Variants in ZMYM5 observed in about 807,000 individuals in gnomAD.
ZMYM5 encodes zinc finger MYM-type containing 5.
Under a neutral mutation model 61.8 loss-of-function variants are expected in ZMYM5, and 41 were observed. The observed-to-expected ratio is 0.66, with a 90% CI of 0.52 to 0.86. The LOEUF is 0.86. ZMYM5 is among the 40% of genes least tolerant of loss of function. The pLI, the probability that ZMYM5 is intolerant of heterozygous loss-of-function variation, is 0.00. For synonymous variants in ZMYM5, 257 were observed against 276.4 expected (o/e 0.93, Z 0.70); for missense variants, 706 against 786.7 (o/e 0.90, Z 1.23).
chr13:19,832,806 C>G (rs1952567649), intron 7 of ZMYM5, among the ~76,000 whole-genome samples: 2 of 151,762 alleles, frequency 1.3e-5, no homozygotes, highest in Admixed American at 1.3e-4. Context: ...ATTCTGTTGC[C>G]CAGGGTGGAG....
Position 19,851,340 on chromosome 13 carries a change from T to C in ZMYM5, c.586+15A>G, listed in dbSNP as rs1362620965. On this transcript the variant is annotated intron_variant, in intron 4 of 7. Coordinates refer to ENST00000337963, the MANE Select transcript of ZMYM5 (RefSeq NM_001142684.2). ...TTATTTACTTGAGGTAGAAACAGTA[T>C]CACTTACTGCTTACCAGGACTATGA... is the stretch of plus-strand genomic sequence containing the variant. 21 of 1,599,034 alleles carry C rather than the reference T, an allele frequency of 1.3e-5. No individual in the cohort carries two copies. The highest frequency in any genetic ancestry group is 1.7e-5 in the Non-Finnish European group (20 of 1,166,416).
intron 5 of ZMYM5, among the ~76,000 whole-genome samples, chr13:19,838,293 G>C (rs1385861699): frequency 2.0e-5 from 3 of 152,252 alleles, no homozygotes; most frequent in Middle Eastern, 3.4e-3. Flanking sequence ...CAGGAGAATC[G>C]CTTGAACCTG....
intron 4 of ZMYM5, among the ~76,000 whole-genome samples, chr13:19,850,749 T>A (rs1237620160): frequency 3.3e-5 from 5 of 152,138 alleles, no homozygotes. Context: ...TTCATTACAC[T>A]GTATCTTTAT....
At position 19,851,985 on chromosome 13, in the gene ZMYM5, T is replaced by C. The variant is rs542603357; in HGVS notation, c.196A>G (p.Ile66Val). Residue 66 changes from isoleucine (I) to valine (V), a missense_variant, in exon 3 of 8, where the codon ATA becomes GTA. Around this residue, in one of 2 missense-constraint regions of ZMYM5, gnomAD observed 480 missense variants for 461.7 expected, o/e 1.04. Coordinates refer to ENST00000337963, the MANE Select transcript of ZMYM5 (RefSeq NM_001142684.2). ...DDDDVVFIES[I>V]QPPSISAPAI... ...GGAGCAGAAATTGAAGGAGGTTGTA[T>C]AGATTCAATAAACACAACATCATCA... The C allele has an allele frequency of 5.4e-5, 87 of 1,614,046 alleles. No homozygotes were observed. In the South Asian group the frequency reaches 9.0e-4, roughly 17 times the overall value.
intron 4 of ZMYM5, among the ~76,000 whole-genome samples, 167 bp from the exon 5 acceptor site, chr13:19,839,152 G>A (rs1198827240): frequency 1.3e-5 from 2 of 152,158 alleles, no homozygotes; most frequent in Non-Finnish European, 2.9e-5. Context: ...TATCCACTTT[G>A]TATCTCAAGT....
Position 19,837,684 on chromosome 13 carries a change from C to A in ZMYM5, c.1010G>T (p.Arg337Ile). The change falls in exon 6 of 8, where the codon AGA becomes ATA. Residue 337 changes from arginine to isoleucine, a missense_variant. Coordinates refer to ENST00000337963, the MANE Select transcript of ZMYM5 (RefSeq NM_001142684.2). ...NLKKGVFNKSRCTICSKLAEI... is the reference protein window; with the variant it reads ...NLKKGVFNKSICTICSKLAEI... ...TGCTAATTTACTACAAATTGTACATCTTGACTTATTAAAAACTCCTTTTTT... is the reference window on the plus strand; with the variant it reads ...TGCTAATTTACTACAAATTGTACATATTGACTTATTAAAAACTCCTTTTTT... 6.3e-7 allele frequency: 1 copy of A among 1,580,764 alleles called. No individual in the cohort carries two copies. Among genetic ancestry groups the A allele is most frequent in the Non-Finnish European group, 8.5e-7 (1 of 1,170,692 alleles).
At position 19,860,689 on chromosome 13, in the gene ZMYM5, C is replaced by T. The variant is rs142494354; in HGVS notation, c.-11+1710G>A. Among the ~76,000 whole-genome samples the T allele has an allele frequency of 6.3e-3, 956 of 151,682 alleles. 18 individuals are homozygous for T. The highest frequency in any genetic ancestry group is 0.021 in the African/African-American group (872 of 41,320). On this transcript the variant is annotated intron_variant, in intron 2 of 7. Coordinates refer to ENST00000337963, the MANE Select transcript of ZMYM5 (RefSeq NM_001142684.2). Reference sequence around the variant, plus strand: ...CTGACCTCAGGTGATCCACCCACCTCGGCCTCCCAAAGTGCTGGGATTACA... The same window carrying T: ...CTGACCTCAGGTGATCCACCCACCTTGGCCTCCCAAAGTGCTGGGATTACA...
intron 2 of ZMYM5, among the ~76,000 whole-genome samples, chr13:19,861,912 C>T (rs1953780117): frequency 1.3e-5 from 2 of 151,602 alleles, no homozygotes; most frequent in African/African-American, 4.8e-5. Context: ...GAGATCAGGC[C>T]ACTCAGATTC....
intron 7 of ZMYM5, among the ~76,000 whole-genome samples, chr13:19,831,118 C>T (rs1240207222): frequency 7.3e-6 from 1 of 136,342 alleles, no homozygotes; most frequent in African/African-American, 2.6e-5. Flanking sequence ...TGAGCCACCA[C>T]ACCCAGCCTA....
chr13:19,837,456 A>G, intron 6 of ZMYM5, 200 bp downstream of exon 6: 1 of 1,567,510 alleles, frequency 6.4e-7, no homozygotes, highest in Non-Finnish European at 8.6e-7. Context: ...ACAGATGTGT[A>G]CTTTCCATGC....
chr13:19,851,531 T>C lies in ZMYM5; in HGVS notation c.493-83A>G. 2.5e-6 allele frequency: 4 copies of C among 1,569,468 alleles called. 1 individual carries two copies. Among genetic ancestry groups the C allele is most frequent in the Middle Eastern group, 3.4e-4 (2 of 5,864 alleles). On this transcript the variant is annotated intron_variant, in intron 3 of 7. Coordinates refer to ENST00000337963, the MANE Select transcript of ZMYM5 (RefSeq NM_001142684.2). Reference sequence around the variant, plus strand: ...AAGTCCTTTAGCGACATCTCCCAAGTTGGTATTCTATAGTGATGTTTTATA... The same window carrying C: ...AAGTCCTTTAGCGACATCTCCCAAGCTGGTATTCTATAGTGATGTTTTATA...
intron 4 of ZMYM5, among the ~76,000 whole-genome samples, chr13:19,840,636 A>C (rs1431078934): frequency 6.6e-6 from 1 of 150,888 alleles, no homozygotes; most frequent in East Asian, 1.9e-4. Context: ...GCTCTCCCAA[A>C]GTGCTAAAAT....
chr13:19,824,706 T>C lies in ZMYM5; in HGVS notation c.1781A>G (p.Lys594Arg), dbSNP rs1371769728. 1 of 1,354,372 alleles carries C rather than the reference T, an allele frequency of 7.4e-7. No homozygotes were observed. The highest frequency in any genetic ancestry group is 9.8e-7 in the Non-Finnish European group (1 of 1,016,430). The allele number at this position is 1,354,372 out of a possible 1,614,324, so 83.9% of individuals were successfully genotyped here. ...TTGATTTTTTCCTTCCCCAAAGAGT[T>C]TGCAATATAGACAAAACACAGAATC... ...SKDSVFCLYC[K>R]LFGEGKNQLK... The change falls in exon 8 of 8, where the codon AAA (lysine) becomes AGA (arginine). Residue 594 changes from lysine to arginine, a missense_variant. Around this residue, in one of 2 missense-constraint regions of ZMYM5, gnomAD observed 226 missense variants for 325.0 expected, o/e 0.70. Coordinates refer to ENST00000337963, the MANE Select transcript of ZMYM5 (RefSeq NM_001142684.2).
chr13:19,835,471 A>C lies in ZMYM5; in HGVS notation c.1251+6T>G, dbSNP rs185842343. On this transcript the variant is annotated splice_donor_region_variant and intron_variant, in intron 7 of 7. Transcript: ENST00000337963. ...TGATCATTTAAAGCTCATGAAAAAG[A>C]ATTACCTGTTTATATTCGTTAATAC... 1 of 1,364,620 alleles carries C rather than the reference A, an allele frequency of 7.3e-7. No individual in the cohort carries two copies. The highest frequency in any genetic ancestry group is 4.6e-5 in the East Asian group (1 of 21,976). The allele number at this position is 1,364,620 out of a possible 1,614,324, so 84.5% of individuals were successfully genotyped here.
intron 7 of ZMYM5, 129 bp downstream of exon 7, chr13:19,835,348 A>C: frequency 1.5e-6 from 1 of 654,922 alleles, no homozygotes; most frequent in Non-Finnish European, 2.2e-6. Flanking sequence ...AATATTTGAG[A>C]TGGGACAAAC....
Position 19,852,002 on chromosome 13 carries a change from AC to A in ZMYM5, c.178del (p.Val60LeufsTer17). The A allele has an allele frequency of 6.2e-7, 1 of 1,613,166 alleles. No homozygotes were observed. Among genetic ancestry groups the A allele is most frequent in the Non-Finnish European group, 8.5e-7 (1 of 1,179,456 alleles). ...PVEDDDDDDD[V>X]VFIESIQPPS... ...AGGTTGTATAGATTCAATAAACACA[AC>A]ATCATCATCATCATCATCATCTTCC... On this transcript the variant is annotated frameshift_variant, in exon 3 of 8. Coordinates refer to ENST00000337963, the MANE Select transcript of ZMYM5 (RefSeq NM_001142684.2). LOFTEE classifies it high-confidence loss of function.
At chr13:19,835,153 C>A (rs558202380) in intron 7 of ZMYM5, among the ~76,000 whole-genome samples, 4 of 152,026 alleles carry the variant, frequency 2.6e-5, no homozygotes, top group African/African-American at 9.7e-5. Context: ...ATCATGCCTG[C>A]GGCTAATTCT....
At chr13:19,826,771 A>C (rs1052806527) in intron 7 of ZMYM5, among the ~76,000 whole-genome samples, 2 of 152,124 alleles carry the variant, frequency 1.3e-5, no homozygotes, top group African/African-American at 2.4e-5. Context: ...AAAAAAAAAA[A>C]AAAACTGTGT....
chr13:19,855,162 C>T (rs1432067068), intron 2 of ZMYM5, among the ~76,000 whole-genome samples: 1 of 152,058 alleles, frequency 6.6e-6, no homozygotes, highest in Non-Finnish European at 1.5e-5. Flanking sequence ...TGAGACCAGC[C>T]TGGGCAACAT....
Sources: gnomAD v4.1 joint callset for allele counts (sites outside exome capture counted in the v4.1 genomes callset) on GRCh38, gnomAD v4.1.1 for gene constraint, gnomAD v4.1.1 regional missense constraint, MANE v1.5 for transcripts, NCBI Gene and HGNC (gene_info 2026-07-23, HGNC 2026-07-21) for gene names.